Variants in ANKRD18A observed in about 807,000 individuals in gnomAD.
The protein encoded by ANKRD18A is ankyrin repeat domain-containing protein 18A.
In ANKRD18A, 72 loss-of-function variants were observed where a neutral mutation model predicts 110.6. The observed-to-expected ratio is 0.65, with a 90% CI of 0.54 to 0.79. The LOEUF (loss-of-function observed/expected upper bound fraction) is 0.79, where lower values mean the gene tolerates loss of function less well. ANKRD18A is among the 30% of genes least tolerant of loss of function. The pLI is 0.00. For synonymous variants in ANKRD18A, 305 were observed against 410.3 expected, an observed-to-expected ratio of 0.74 and a Z score of 3.10; for missense variants, 934 against 1,163.3, an observed-to-expected ratio of 0.80 and a Z score of 2.87.
In ANKRD18A at chr9:38,572,223, G is replaced by A. The variant is rs770255425; in HGVS notation, c.2965-164C>T. The A allele has an allele frequency of 5.7e-4, 280 of 490,250 alleles. 3 individuals carry two copies. Among genetic ancestry groups the A allele is most frequent in the Non-Finnish European group, 8.4e-4 (236 of 281,288 alleles). 30.4% of individuals were successfully genotyped at this position (490,250 alleles called of 1,614,324 possible). On this transcript the variant is annotated intron_variant, in intron 15 of 15. Transcript: ENST00000399703. ...TACTATTAAATCATTTACACATGGCGTTAATTCCAATTGTGGTTAAATATC... is the reference window on the plus strand; with the variant it reads ...TACTATTAAATCATTTACACATGGCATTAATTCCAATTGTGGTTAAATATC...
At chr9:38,577,372 T>C (rs1221935269) in intron 13 of ANKRD18A, 108 bp from the exon 14 acceptor site, 1 of 1,112,928 alleles carries the variant, frequency 9.0e-7, no homozygotes, top group Non-Finnish European at 1.3e-6. Context: ...TTTGAGTATG[T>C]TGAAAAGAGG....
chr9:38,602,425 C>T (rs1304304406), intron 7 of ANKRD18A, among the ~76,000 whole-genome samples: 4 of 152,020 alleles, frequency 2.6e-5, no homozygotes, highest in South Asian at 2.1e-4. Flanking sequence ...CCTCCCAGAG[C>T]GTATGTTTTT....
chr9:38,576,613 G>A (rs1452935395), intron 14 of ANKRD18A, among the ~76,000 whole-genome samples: 8 of 152,176 alleles, frequency 5.3e-5, no homozygotes, highest in Admixed American at 2.0e-4. Flanking sequence ...AACAGTCCCT[G>A]CCTGAGTGCC....
At chr9:38,609,275 C>T (rs183292021) in intron 5 of ANKRD18A, among the ~76,000 whole-genome samples, 3 of 152,090 alleles carry the variant, frequency 2.0e-5, no homozygotes, top group Middle Eastern at 3.4e-3. Flanking sequence ...GTCAGGAGAT[C>T]GAGACCATCC....
chr9:38,592,724 T>C (rs555079417), intron 10 of ANKRD18A, among the ~76,000 whole-genome samples: 61 of 152,066 alleles, frequency 4.0e-4, no homozygotes, highest in Middle Eastern at 3.4e-3. Flanking sequence ...GGTGTAGCCA[T>C]GAAATAGACT....
chr9:38,584,558 C>G (rs1489890153), intron 12 of ANKRD18A, among the ~76,000 whole-genome samples: 2 of 152,158 alleles, frequency 1.3e-5, no homozygotes, highest in East Asian at 1.9e-4. Flanking sequence ...GTGTTAATTA[C>G]TTCTCAATAA....
At chr9:38,567,970 G>A (rs578141181), downstream of ANKRD18A, 1 of 152,248 alleles carries the variant, frequency 6.6e-6, no homozygotes, top group Admixed American at 6.5e-5. Flanking sequence ...GGCCACCTTG[G>A]GGGTGGGCTC....
chr9:38,571,584 A>T lies in ANKRD18A; in HGVS notation c.*461T>A. The T allele has an allele frequency of 9.9e-7, 1 of 1,012,064 alleles. No homozygotes were observed. Among genetic ancestry groups the T allele is most frequent in the Non-Finnish European group, 1.2e-6 (1 of 847,352 alleles). The allele number at this position is 1,012,064 out of a possible 1,614,324, so 62.7% of individuals were successfully genotyped here. A position where few individuals can be genotyped will look rare whatever the true frequency, so the allele number is the denominator to read the frequency against. ...ACAAGAAGAAAACCGTAACACTAGT[A>T]TGGACAAACCTGGCAGATACTCTTT... On this transcript the variant is annotated 3_prime_UTR_variant, in exon 16 of 16. Coordinates refer to ENST00000399703, the MANE Select transcript of ANKRD18A (RefSeq NM_147195.4).
At chr9:38,604,802 T>G (rs113419180) in intron 6 of ANKRD18A, 1 of 149,306 alleles carries the variant, frequency 6.7e-6, no homozygotes, top group South Asian at 2.1e-4. Context: ...ATATATTTTT[T>G]TTTTGCACTA....
intron 11 of ANKRD18A, among the ~76,000 whole-genome samples, chr9:38,587,324 T>TG (rs1320033254): frequency 6.6e-6 from 1 of 152,164 alleles, no homozygotes; most frequent in African/African-American, 2.4e-5. Flanking sequence ...CCAACTTAAG[T>TG]GCTCAGTAAA....
chr9:38,598,186 T>G (rs186484672), intron 8 of ANKRD18A, among the ~76,000 whole-genome samples: 39 of 152,338 alleles, frequency 2.6e-4, no homozygotes, highest in Non-Finnish European at 5.0e-4. Context: ...ATGTAATTCA[T>G]CTTTAAATGA....
chr9:38,602,970 C>G (rs1825187429), intron 7 of ANKRD18A, among the ~76,000 whole-genome samples, 189 bp downstream of exon 7: 1 of 152,152 alleles, frequency 6.6e-6, no homozygotes, highest in South Asian at 2.1e-4. Context: ...CCCAGCAACA[C>G]CAATATTTTC....
downstream of ANKRD18A, chr9:38,571,046 C>G: frequency 7.1e-7 from 1 of 1,403,966 alleles, no homozygotes; most frequent in Admixed American, 2.9e-5. Context: ...TAATCAAGAA[C>G]CCTTGAGGCT....
In ANKRD18A at chr9:38,575,677, C is replaced by A; in HGVS notation, c.2763G>T (p.Val921=). ...TCTCCGTAAAGAGCTTGGTGCTGAT[C>A]ACTGCTATTTTCTTATCCGATCTGT... is the stretch of plus-strand genomic sequence containing the variant. ...KLMKSDKKIA[V]ISTKLFTEKQ... The change falls in exon 15 of 16, where the codon GTG becomes GTT. Residue 921 remains valine, a synonymous_variant. Coordinates refer to ENST00000399703, the MANE Select transcript of ANKRD18A (RefSeq NM_147195.4). The A allele has an allele frequency of 6.4e-7, 1 of 1,551,572 alleles. No individual in the cohort carries two copies. The highest frequency in any genetic ancestry group is 8.7e-7 in the Non-Finnish European group (1 of 1,146,818).
chr9:38,602,512 G>A (rs544596680), intron 7 of ANKRD18A, among the ~76,000 whole-genome samples: 28 of 152,270 alleles, frequency 1.8e-4, no homozygotes, highest in African/African-American at 6.7e-4. Flanking sequence ...ACAGAGAAAG[G>A]GCTGCAGATG....
At chr9:38,592,555 C>G (rs906236280) in intron 10 of ANKRD18A, among the ~76,000 whole-genome samples, 12 of 152,314 alleles carry the variant, frequency 7.9e-5, no homozygotes, top group African/African-American at 2.9e-4. Flanking sequence ...GTGCTGATAT[C>G]TGCCCAATTA....
chr9:38,572,177 C>G lies in ANKRD18A; in HGVS notation c.2965-118G>C, dbSNP rs191568166. Reference sequence around the variant, plus strand: ...AGTTAATAAGAATGAGAAATATGTACGTGCAATTACAATACAAAATTACTA... The same window carrying G: ...AGTTAATAAGAATGAGAAATATGTAGGTGCAATTACAATACAAAATTACTA... On this transcript the variant is annotated intron_variant, in intron 15 of 15. Transcript: ENST00000399703. 7 of 660,092 alleles carry G rather than the reference C, an allele frequency of 1.1e-5. No individual in the cohort carries two copies. In the Admixed American group the frequency reaches 2.7e-4, roughly 26 times the overall value. 40.9% of individuals were successfully genotyped at this position (660,092 alleles called of 1,614,324 possible). A position where few individuals can be genotyped will look rare whatever the true frequency, so the allele number is the denominator to read the frequency against.
chr9:38,580,909 C>T (rs1824134029), intron 12 of ANKRD18A, among the ~76,000 whole-genome samples: 1 of 151,914 alleles, frequency 6.6e-6, no homozygotes, highest in South Asian at 2.1e-4. Context: ...TCCACAAAGA[C>T]AGCCTGGGAG....
chr9:38,603,885 T>A (rs556742354), intron 6 of ANKRD18A, among the ~76,000 whole-genome samples: 2 of 152,336 alleles, frequency 1.3e-5, no homozygotes, highest in East Asian at 3.9e-4. Context: ...ATATTTATTA[T>A]CCCAATACCC....
Sources: gnomAD v4.1 joint callset for allele counts (sites outside exome capture counted in the v4.1 genomes callset) on GRCh38, gnomAD v4.1.1 for gene constraint, MANE v1.5 for transcripts, NCBI Gene and HGNC (gene_info 2026-07-23, HGNC 2026-07-21) for gene names.